TTC14: variants seen among roughly 807,000 people sequenced by gnomAD.
The protein encoded by TTC14 is tetratricopeptide repeat domain 14.
In TTC14, 63 loss-of-function variants were observed where a neutral mutation model predicts 79.9. That is an observed-to-expected ratio of 0.79 (90% CI 0.64 to 0.97). The LOEUF (loss-of-function observed/expected upper bound fraction) is 0.97. Among genes scored for constraint, TTC14 ranks in the 50% least tolerant of loss-of-function variants. TTC14 has a pLI of 0.00. For missense variants in TTC14, 895 were observed against 894.0 expected (o/e 1.00, Z -0.01); for synonymous variants, 335 against 309.6 (o/e 1.08, Z -0.86).
chr3:180,608,438 A>G, intron 10 of TTC14: 1 of 1,019,294 alleles, frequency 9.8e-7, no homozygotes, highest in Non-Finnish European at 1.2e-6. Context: ...GGTCATGGGT[A>G]CCACTGCAAT....
At chr3:180,615,156 AC>A, downstream of TTC14, 1 of 1,064,630 alleles carries the variant, frequency 9.4e-7, no homozygotes, top group Non-Finnish European at 1.3e-6. Flanking sequence ...GGCAAAAGGT[AC>A]CATAATTCCA....
At chr3:180,602,721 C>G (rs769526404) in intron 1 of TTC14, 170 bp from the exon 2 acceptor site, 3 of 812,958 alleles carry the variant, frequency 3.7e-6, no homozygotes, top group Non-Finnish European at 5.5e-6. Flanking sequence ...CCGCTCTCCA[C>G]CTCCAGGTTG....
downstream of TTC14, chr3:180,611,269 A>G (rs1301284029): frequency 1.5e-6 from 1 of 659,152 alleles, no homozygotes; most frequent in African/African-American, 2.0e-5. Flanking sequence ...AATATTTACA[A>G]GGCCCTTAGG....
chr3:180,605,733 G>A (rs777888554), intron 6 of TTC14, 33 bp from the exon 7 acceptor site: 4 of 1,512,302 alleles, frequency 2.6e-6, no homozygotes, highest in South Asian at 2.4e-5. Context: ...AATATTTGTG[G>A]TTTAACTTTT....
chr3:180,605,831 TA>T lies in TTC14; in HGVS notation c.927del (p.Lys309AsnfsTer3). On this transcript the variant is annotated frameshift_variant, in exon 7 of 12. Transcript: ENST00000296015. LOFTEE classifies it high-confidence loss of function. ...LRKKQSASWA[L>X]KCVKIGVDYF... ...AAAAAACAATCCGCATCTTGGGCTT[TA>T]AAATGGTATGAAGACTGTCTTTCAA... 6.3e-7 allele frequency: 1 copy of T among 1,575,768 alleles called. No homozygotes were observed. The highest frequency in any genetic ancestry group is 1.2e-5 in the South Asian group (1 of 84,342).
chr3:180,602,588 T>G, intron 1 of TTC14, 166 bp downstream of exon 1: 2 of 950,134 alleles, frequency 2.1e-6, no homozygotes, highest in East Asian at 2.7e-5. Context: ...GCTCCTGGGT[T>G]GTGCAATGCG....
At position 180,610,645 on chromosome 3, in the gene TTC14, A is replaced by G. The variant is rs1302505418; in HGVS notation, c.*103A>G. ...TGCAGAAATCTCTGCTTCTAAAATTATTTGTAGAGATTACAGGAAACAAAT... is the reference window on the plus strand; with the variant it reads ...TGCAGAAATCTCTGCTTCTAAAATTGTTTGTAGAGATTACAGGAAACAAAT... On this transcript the variant is annotated 3_prime_UTR_variant, in exon 12 of 12. Coordinates refer to ENST00000296015, the MANE Select transcript of TTC14 (RefSeq NM_133462.4). 1.4e-6 allele frequency: 2 copies of G among 1,472,116 alleles called. No individual in the cohort carries two copies. Among genetic ancestry groups the G allele is most frequent in the South Asian group, 3.0e-5 (2 of 67,776 alleles). The allele number at this position is 1,472,116 out of a possible 1,614,324, so 91.2% of individuals were successfully genotyped here. A position where few individuals can be genotyped will look rare whatever the true frequency, so the allele number is the denominator to read the frequency against.
At position 180,611,075 on chromosome 3, in the gene TTC14, A is replaced by G. The variant is rs1377256961; in HGVS notation, c.*533A>G. The G allele has an allele frequency of 8.3e-6, 8 of 969,094 alleles. No individual in the cohort carries two copies. Among genetic ancestry groups the G allele is most frequent in the Non-Finnish European group, 9.8e-6 (8 of 815,214 alleles). The allele number at this position is 969,094 out of a possible 1,614,324, so 60.0% of individuals were successfully genotyped here. A position where few individuals can be genotyped will look rare whatever the true frequency, so the allele number is the denominator to read the frequency against. On this transcript the variant is annotated 3_prime_UTR_variant, in exon 12 of 12. Transcript: ENST00000296015. Reference sequence around the variant, plus strand: ...TTAAAATTTTTAAATGGTAGATTATATGTCTTAATTTTCCTCTAAAGCCCA... The same window carrying G: ...TTAAAATTTTTAAATGGTAGATTATGTGTCTTAATTTTCCTCTAAAGCCCA...
downstream of TTC14, chr3:180,615,152 A>G (rs1393553292): frequency 1.8e-6 from 2 of 1,102,222 alleles, no homozygotes; most frequent in Non-Finnish European, 2.5e-6. Context: ...TATTGGCAAA[A>G]GGTACCATAA....
downstream of TTC14, among the ~76,000 whole-genome samples, chr3:180,612,256 A>G (rs1232756781): frequency 6.6e-6 from 1 of 152,208 alleles, no homozygotes; most frequent in South Asian, 2.1e-4. Flanking sequence ...ACAACATTTA[A>G]AAAATTTTTT....
At chr3:180,612,975 A>G (rs1717085924), downstream of TTC14, among the ~76,000 whole-genome samples, 1 of 152,220 alleles carries the variant, frequency 6.6e-6, no homozygotes, top group African/African-American at 2.4e-5. Context: ...CAAGAAGCGT[A>G]TGAAATAATA....
rs567998989 is a variant in TTC14 at position 180,602,479 on chromosome 3, A to G, written c.161+57A>G. 4 of 1,518,462 alleles carry G rather than the reference A, an allele frequency of 2.6e-6. No individual in the cohort carries two copies. The African/African-American group carries it at 5.5e-5, about 21-fold the overall frequency. The allele number at this position is 1,518,462 out of a possible 1,614,324, so 94.1% of individuals were successfully genotyped here. A position where few individuals can be genotyped will look rare whatever the true frequency, so the allele number is the denominator to read the frequency against. Reference sequence around the variant, plus strand: ...AAGAGGGGACGCAGCTCTGGCAGCCACTACCGCAGCCCCGGGTTTGCGTCT... The same window carrying G: ...AAGAGGGGACGCAGCTCTGGCAGCCGCTACCGCAGCCCCGGGTTTGCGTCT... On this transcript the variant is annotated intron_variant, in intron 1 of 11. Transcript: ENST00000296015.
chr3:180,606,810 G>T (rs931423477), intron 9 of TTC14, among the ~76,000 whole-genome samples: 3 of 152,070 alleles, frequency 2.0e-5, no homozygotes, highest in African/African-American at 7.2e-5. Context: ...TATACTATTT[G>T]TGTAGTCATT....
At chr3:180,614,570 C>G (rs1014599145), downstream of TTC14, 2 of 198,118 alleles carry the variant, frequency 1.0e-5, no homozygotes, top group African/African-American at 4.8e-5. Context: ...TACAGTAAAT[C>G]TTTAGAAATT....
chr3:180,610,449 C>T lies in TTC14; in HGVS notation c.2220C>T (p.Ser740=). 2 of 1,611,292 alleles carry T rather than the reference C, an allele frequency of 1.2e-6. No homozygotes were observed. The highest frequency in any genetic ancestry group is 1.7e-6 in the Non-Finnish European group (2 of 1,179,268). The change falls in exon 12 of 12, where the codon AGC becomes AGT. Residue 740 remains serine, a synonymous_variant. Coordinates refer to ENST00000296015, the MANE Select transcript of TTC14 (RefSeq NM_133462.4). ...DALSSKEHSE[S]SVKKNLPQNL... ...TAAGTAGCAAAGAACACTCAGAAAG[C>T]AGTGTTAAGAAAAATTTACCTCAGA...
At chr3:180,613,308 A>G (rs1717098705), downstream of TTC14, among the ~76,000 whole-genome samples, 1 of 152,166 alleles carries the variant, frequency 6.6e-6, no homozygotes, top group South Asian at 2.1e-4. Flanking sequence ...TGACTTTTGG[A>G]TATGAGGATA....
chr3:180,603,471 A>G (rs1716501033), intron 3 of TTC14, 148 bp downstream of exon 3: 1 of 723,920 alleles, frequency 1.4e-6, no homozygotes, highest in South Asian at 1.9e-5. Context: ...TAGTTTAAAA[A>G]AATTAGTGTA....
chr3:180,614,265 G>A (rs985151013), downstream of TTC14: 4 of 155,578 alleles, frequency 2.6e-5, no homozygotes, highest in African/African-American at 9.8e-5. Flanking sequence ...AATCTTTAAT[G>A]CGTTTATTTC....
At chr3:180,617,344 G>C in intron 12 of TTC14, 1 of 513,048 alleles carries the variant, frequency 1.9e-6, no homozygotes, top group East Asian at 3.0e-5. Context: ...ACTGATTTAT[G>C]TATTTACTAT....
Sources: gnomAD v4.1 joint callset for allele counts (sites outside exome capture counted in the v4.1 genomes callset) on GRCh38, gnomAD v4.1.1 for gene constraint, MANE v1.5 for transcripts, NCBI Gene and HGNC (gene_info 2026-07-23, HGNC 2026-07-21) for gene names.